JADE3: variants seen among roughly 807,000 people sequenced by gnomAD.
JADE3 encodes the protein jade family PHD finger 3.
In JADE3, 2 loss-of-function variants were observed where a neutral mutation model predicts 50.1. That is an observed-to-expected ratio of 0.04 (90% CI 0.02 to 0.13). The LOEUF (loss-of-function observed/expected upper bound fraction) is 0.13. Among genes scored for constraint, JADE3 ranks in the 10% least tolerant of loss-of-function variants. The pLI is 1.00. For synonymous variants in JADE3, 218 were observed against 232.9 expected, an observed-to-expected ratio of 0.94 and a Z score of 0.58; for missense variants, 475 against 634.4, an observed-to-expected ratio of 0.75 and a Z score of 2.70.
rs1556365155 is a variant in JADE3 at position 47,024,748 on chromosome X, C to T, written c.309C>T (p.Asp103=). Residue 103 remains aspartate (D), a synonymous_variant, in exon 5 of 11, where the codon GAC becomes GAT. Transcript: ENST00000614628. Reference sequence around the variant, plus strand: ...GGATTATAGCTGAGAAGGTAAAGGACGTTCTGTTTATCCGACCCCGGAAGT... The same window carrying T: ...GGATTATAGCTGAGAAGGTAAAGGATGTTCTGTTTATCCGACCCCGGAAGT... ...SLRIIAEKVK[D]VLFIRPRKYI... is the part of the protein sequence containing the mutation. 1 of 1,188,679 alleles carries T rather than the reference C, an allele frequency of 8.4e-7. No homozygotes were observed. The highest frequency in any genetic ancestry group is 3.0e-5 in the East Asian group (1 of 33,445).
At chrX:46,991,389 AT>A (rs1415341206) in intron 3 of JADE3, among the ~76,000 whole-genome samples, 1 of 109,122 alleles carries the variant, frequency 9.2e-6, no homozygotes, top group East Asian at 2.9e-4. Flanking sequence ...TGGCCACTTC[AT>A]TTCTTTTTAT....
At chrX:46,918,715 G>A (rs782700421) in intron 1 of JADE3, among the ~76,000 whole-genome samples, 7 of 112,167 alleles carry the variant, frequency 6.2e-5, no homozygotes, top group African/African-American at 1.9e-4. Flanking sequence ...GCCCTAAGCC[G>A]GGATGGTTCA....
intron 4 of JADE3, among the ~76,000 whole-genome samples, chrX:46,999,436 TATATATATATATATA>T (rs1420716542): frequency 1.1e-5 from 1 of 89,966 alleles, no homozygotes; most frequent in Non-Finnish European, 2.1e-5. Context: ...ATATATAACA[TATATATATATATATA>T]ACATATATAT....
intron 1 of JADE3, among the ~76,000 whole-genome samples, chrX:46,977,349 ACT>A (rs782107472): frequency 5.4e-5 from 6 of 111,604 alleles, no homozygotes; most frequent in Admixed American, 9.5e-5. Flanking sequence ...ACGGAGTGAG[ACT>A]CTGTCTCAAA....
At chrX:47,055,719 TG>T (rs2146991585) in intron 9 of JADE3, among the ~76,000 whole-genome samples, 1 of 112,158 alleles carries the variant, frequency 8.9e-6, no homozygotes, top group South Asian at 3.7e-4. Flanking sequence ...AAAATTGTAC[TG>T]GATACAGCCA....
chrX:46,960,506 C>T (rs1020703379), intron 1 of JADE3, among the ~76,000 whole-genome samples: 2 of 111,992 alleles, frequency 1.8e-5, no homozygotes, highest in Non-Finnish European at 3.8e-5. Flanking sequence ...AACCCTGGGG[C>T]AGAGTCTCTA....
At chrX:47,050,396 A>G (rs1556371710) in intron 8 of JADE3, among the ~76,000 whole-genome samples, 5 of 111,919 alleles carry the variant, frequency 4.5e-5, no homozygotes, top group Non-Finnish European at 9.4e-5. Context: ...AGAACATTCA[A>G]AAGCCTCTCT....
intron 1 of JADE3, among the ~76,000 whole-genome samples, chrX:46,924,281 C>T (rs1390497166): frequency 1.8e-5 from 2 of 111,699 alleles, no homozygotes; most frequent in Non-Finnish European, 3.8e-5. Context: ...ACAAGCTTCA[C>T]ACTCTCATGC....
intron 1 of JADE3, among the ~76,000 whole-genome samples, chrX:46,942,136 G>A (rs1926775245): frequency 9.0e-6 from 1 of 111,001 alleles, no homozygotes; most frequent in African/African-American, 3.3e-5. Context: ...TGGATGCACA[G>A]TTTGTGAATA....
chrX:47,045,986 A>G (rs1344434301), intron 8 of JADE3, among the ~76,000 whole-genome samples: 1 of 111,487 alleles, frequency 9.0e-6, no homozygotes, highest in Non-Finnish European at 1.9e-5. Flanking sequence ...AAGAACTAGA[A>G]AAACGAGCAA....
intron 8 of JADE3, among the ~76,000 whole-genome samples, chrX:47,047,267 C>T (rs1238833556): frequency 1.8e-5 from 2 of 112,177 alleles, no homozygotes; most frequent in East Asian, 5.5e-4. Context: ...GTTTTTCCAG[C>T]TGGGCACGGT....
intron 5 of JADE3, among the ~76,000 whole-genome samples, chrX:47,025,721 C>G (rs913580565): frequency 1.8e-5 from 2 of 111,818 alleles, no homozygotes; most frequent in Admixed American, 1.9e-4. Context: ...CCAAGTTTTC[C>G]TGTAGATCTG....
intron 1 of JADE3, among the ~76,000 whole-genome samples, chrX:46,924,912 G>T (rs1405748825): frequency 2.7e-5 from 3 of 111,399 alleles, no homozygotes; most frequent in Non-Finnish European, 3.8e-5. Flanking sequence ...TATCCACATC[G>T]CCAGGTGCCA....
intron 9 of JADE3, among the ~76,000 whole-genome samples, chrX:47,055,268 T>G (rs868914190): frequency 3.9e-4 from 44 of 111,889 alleles, no homozygotes; most frequent in African/African-American, 1.2e-3. Flanking sequence ...ACTGCAGGGC[T>G]TCAAAGGTAA....
chrX:47,008,046 C>T (rs1556360773), intron 4 of JADE3, among the ~76,000 whole-genome samples: 1 of 110,703 alleles, frequency 9.0e-6, no homozygotes, highest in Non-Finnish European at 1.9e-5. Flanking sequence ...GAGAATTCTA[C>T]CAAACATTGA....
At chrX:47,049,181 C>CTTTTT (rs376747614) in intron 8 of JADE3, among the ~76,000 whole-genome samples, 2 of 77,534 alleles carry the variant, frequency 2.6e-5, no homozygotes. Context: ...CTTTCTTCTT[C>CTTTTT]TTTTTTTTTT....
chrX:47,035,855 C>T (rs782724877), intron 7 of JADE3, among the ~76,000 whole-genome samples: 2 of 111,580 alleles, frequency 1.8e-5, no homozygotes, highest in Non-Finnish European at 3.8e-5. Flanking sequence ...AAAAAACATC[C>T]CTTTCTGCTG....
At chrX:46,950,542 A>G (rs145551769) in intron 1 of JADE3, among the ~76,000 whole-genome samples, 1 of 112,090 alleles carries the variant, frequency 8.9e-6, no homozygotes, top group African/African-American at 3.2e-5. Flanking sequence ...TTGCTAGCAG[A>G]TGGGTATTTG....
chrX:47,059,417 G>A lies in JADE3; in HGVS notation c.*340G>A. The A allele has an allele frequency of 6.5e-6, 1 of 152,906 alleles. No individual in the cohort carries two copies. The highest frequency in any genetic ancestry group is 1.2e-5 in the Non-Finnish European group (1 of 80,686). 12.6% of individuals were successfully genotyped at this position (152,906 alleles called of 1,213,427 possible). A position where few individuals can be genotyped will look rare whatever the true frequency, so the allele number is the denominator to read the frequency against. ...GAGTCCTTGCATTGTTAACTGATTTGCAAGAGACCATGATTATCAGACACT... is the reference window on the plus strand; with the variant it reads ...GAGTCCTTGCATTGTTAACTGATTTACAAGAGACCATGATTATCAGACACT... On this transcript the variant is annotated 3_prime_UTR_variant, in exon 11 of 11. Coordinates refer to ENST00000614628, the MANE Select transcript of JADE3 (RefSeq NM_014735.5).
Sources: allele counts gnomAD v4.1 joint callset (sites outside exome capture counted in the v4.1 genomes callset), GRCh38; gene constraint gnomAD v4.1.1; transcripts MANE v1.5; gene names NCBI Gene and HGNC (gene_info 2026-07-23, HGNC 2026-07-21).